The following GATAD2A variants were observed in gnomAD, a reference collection of about 807,000 sequenced individuals.
GATAD2A encodes the protein GATA zinc finger domain containing 2A, also known as transcriptional repressor p66-alpha.
Under a neutral mutation model 68.5 loss-of-function variants are expected in GATAD2A, and 12 were observed. The observed-to-expected ratio is 0.18, with a 90% CI of 0.11 to 0.28. GATAD2A has a LOEUF of 0.28. Among genes scored for constraint, GATAD2A ranks in the 10% least tolerant of loss-of-function variants. The probability of loss-of-function intolerance (pLI) is 1.00; values close to 1 mark genes in which losing one functional copy is unlikely to be tolerated. For synonymous variants in GATAD2A, 410 were observed against 375.3 expected (o/e 1.09, Z -1.07); for missense variants, 755 against 868.5 (o/e 0.87, Z 1.64).
chr19:19,485,041 TC>T (rs1200445324), intron 2 of GATAD2A, among the ~76,000 whole-genome samples: 1 of 152,180 alleles, frequency 6.6e-6, no homozygotes, highest in Non-Finnish European at 1.5e-5. Flanking sequence ...CACATGACCT[TC>T]CTAGAGCTGT....
intron 5 of GATAD2A, 120 bp from the exon 6 acceptor site, chr19:19,495,634 T>TTAA: frequency 7.3e-6 from 4 of 546,342 alleles, no homozygotes; most frequent in African/African-American, 4.8e-5. Flanking sequence ...CTCTGCTACT[T>TTAA]AAAAAAAAAA....
In GATAD2A at chr19:19,405,734, T is replaced by C. The variant is rs2050146660; in HGVS notation, c.-292T>C. ...CGCCTTTAAGAGCTCCCCGGTGTTT[T>C]GGGGGCCGCGGGCCGGGCGCGCTGA... is the stretch of plus-strand genomic sequence containing the variant. On this transcript the variant is annotated 5_prime_UTR_variant, in exon 1 of 12. Coordinates refer to ENST00000683918, the MANE Select transcript of GATAD2A (RefSeq NM_001384528.1). The C allele has an allele frequency of 1.3e-5, 2 of 151,430 alleles. No homozygotes were observed. Among genetic ancestry groups the C allele is most frequent in the Non-Finnish European group, 1.5e-5 (1 of 67,836 alleles). The allele number at this position is 151,430 out of a possible 1,614,324, so 9.4% of individuals were successfully genotyped here.
rs182993251 is a variant in GATAD2A, at chr19:19,460,240, G to A, written c.-6-5100G>A. ...GGGAGCTTCCTCGGGCTATGCTGCC[G>A]GGAGGAGAGTAGACAGGGGTTCTGG... On this transcript the variant is annotated intron_variant, in intron 1 of 11. Coordinates refer to ENST00000683918, the MANE Select transcript of GATAD2A (RefSeq NM_001384528.1). Among the ~76,000 whole-genome samples the A allele has an allele frequency of 5.3e-5, 8 of 152,338 alleles. No homozygotes were observed. In the East Asian group the frequency reaches 9.7e-4, roughly 18 times the overall value.
chr19:19,502,543 G>C lies in GATAD2A; in HGVS notation c.1774+17G>C. ...TCAGCACAGGTGGGTGACCTCCACA[G>C]GGCTCCCCAGGGGACCTGCCCATTG... On this transcript the variant is annotated intron_variant, in intron 11 of 11. Coordinates refer to ENST00000683918, the MANE Select transcript of GATAD2A (RefSeq NM_001384528.1). 1 of 1,579,216 alleles carries C rather than the reference G, an allele frequency of 6.3e-7. No homozygotes were observed. Among genetic ancestry groups the C allele is most frequent in the Non-Finnish European group, 8.6e-7 (1 of 1,157,868 alleles).
chr19:19,465,418 G>A lies in GATAD2A; in HGVS notation c.73G>A (p.Glu25Lys). The change falls in exon 2 of 12, where the codon GAG (glutamate) becomes AAG (lysine). Residue 25 changes from glutamate to lysine, a missense_variant. Physicochemically the swap from Glu to Lys is moderately conservative, Grantham distance 56. Transcript: ENST00000683918. ...ACGGGACCCAACAGAGGACGATGTG[G>A]AGAGCAAGAAAATAAAAATGGAGAG... ...LERDPTEDDV[E>K]SKKIKMERGL... The A allele has an allele frequency of 6.2e-7, 1 of 1,613,872 alleles. No homozygotes were observed. Among genetic ancestry groups the A allele is most frequent in the Non-Finnish European group, 8.5e-7 (1 of 1,179,730 alleles).
chr19:19,492,085 A>G (rs2059832122), intron 2 of GATAD2A, among the ~76,000 whole-genome samples: 1 of 152,206 alleles, frequency 6.6e-6, no homozygotes, highest in Admixed American at 6.5e-5. Flanking sequence ...AGTCCCTACC[A>G]TCAGGGTGCC....
At chr19:19,398,980 A>G (rs1599986788) in intron 1 of GATAD2A, among the ~76,000 whole-genome samples, 1 of 151,822 alleles carries the variant, frequency 6.6e-6, no homozygotes, top group Non-Finnish European at 1.5e-5. Context: ...AATCGCTTGA[A>G]CCCGGGCAGC....
chr19:19,432,698 A>G (rs983666103), intron 1 of GATAD2A, among the ~76,000 whole-genome samples: 1 of 152,250 alleles, frequency 6.6e-6, no homozygotes, highest in Non-Finnish European at 1.5e-5. Context: ...TTTAAAACAT[A>G]AAAAGACCTC....
intron 2 of GATAD2A, among the ~76,000 whole-genome samples, chr19:19,470,238 G>T: frequency 6.7e-6 from 1 of 148,380 alleles, no homozygotes. Flanking sequence ...GGGTTTCAGT[G>T]ATTCTCCTGC....
At chr19:19,437,797 C>A (rs2054540845) in intron 1 of GATAD2A, among the ~76,000 whole-genome samples, 1 of 152,154 alleles carries the variant, frequency 6.6e-6, no homozygotes, top group Admixed American at 6.5e-5. Context: ...TATGGATGAA[C>A]CACATTTTGT....
intron 1 of GATAD2A, among the ~76,000 whole-genome samples, chr19:19,446,116 C>G (rs971193945): frequency 6.6e-6 from 1 of 152,234 alleles, no homozygotes; most frequent in African/African-American, 2.4e-5. Flanking sequence ...CCACCGTTTT[C>G]CATGTCACTC....
chr19:19,486,618 A>G (rs560239885), intron 2 of GATAD2A, among the ~76,000 whole-genome samples: 32 of 152,324 alleles, frequency 2.1e-4, no homozygotes, highest in African/African-American at 7.5e-4. Flanking sequence ...GACCTGGTGC[A>G]GGGGACGCAG....
At chr19:19,390,471 T>G (rs1452805568) in intron 1 of GATAD2A, among the ~76,000 whole-genome samples, 1 of 152,154 alleles carries the variant, frequency 6.6e-6, no homozygotes, top group Non-Finnish European at 1.5e-5. Flanking sequence ...GGTATGTCTC[T>G]TGGAAAACCC....
At chr19:19,460,513 G>C (rs567431464) in intron 1 of GATAD2A, among the ~76,000 whole-genome samples, 3 of 152,270 alleles carry the variant, frequency 2.0e-5, no homozygotes, top group East Asian at 1.9e-4. Flanking sequence ...GCCCTGAGGT[G>C]CCCTGTGCCT....
At chr19:19,495,960 A>T in intron 6 of GATAD2A, 75 bp downstream of exon 6, 8 of 1,584,614 alleles carry the variant, frequency 5.0e-6, no homozygotes, top group Non-Finnish European at 6.0e-6. Context: ...GGCCCTTCCC[A>T]GTCCTTGGGG....
At chr19:19,498,799 C>G in intron 8 of GATAD2A, 77 bp downstream of exon 8, 1 of 1,303,020 alleles carries the variant, frequency 7.7e-7, no homozygotes, top group Non-Finnish European at 1.1e-6. Context: ...CTTTCCAACA[C>G]ACAGCAGAGG....
At chr19:19,444,547 T>A (rs2055479139) in intron 1 of GATAD2A, among the ~76,000 whole-genome samples, 1 of 152,140 alleles carries the variant, frequency 6.6e-6, no homozygotes, top group Admixed American at 6.5e-5. Flanking sequence ...AAACACCTTG[T>A]GACGTTGAGG....
At chr19:19,447,070 G>A (rs190398648) in intron 1 of GATAD2A, among the ~76,000 whole-genome samples, 73 of 152,330 alleles carry the variant, frequency 4.8e-4, no homozygotes, top group Admixed American at 1.6e-3. Context: ...AGAAATAGGT[G>A]TCCCTTGATA....
At position 19,465,553 on chromosome 19, in the gene GATAD2A, G is replaced by A; in HGVS notation, c.208G>A (p.Ala70Thr). Reference sequence around the variant, plus strand: ...GAGGGCAACAGAGGCCACGGCCATGGCCATGGGCAGAGGCGAAGGGCTGGT... The same window carrying A: ...GAGGGCAACAGAGGCCACGGCCATGACCATGGGCAGAGGCGAAGGGCTGGT... ...LLRATEATAM[A>T]MGRGEGLVGD... The change falls in exon 2 of 12, where the codon GCC (alanine) becomes ACC (threonine). Residue 70 changes from alanine (A) to threonine (T), a missense_variant. Physicochemically the swap from Ala to Thr is moderately conservative, Grantham distance 58 (BLOSUM62 0). Transcript: ENST00000683918. The A allele has an allele frequency of 6.2e-7, 1 of 1,613,930 alleles. No homozygotes were observed. Among genetic ancestry groups the A allele is most frequent in the Non-Finnish European group, 8.5e-7 (1 of 1,179,818 alleles).
Sources: gnomAD v4.1 joint callset for allele counts (sites outside exome capture counted in the v4.1 genomes callset) on GRCh38, gnomAD v4.1.1 for gene constraint, MANE v1.5 for transcripts, NCBI Gene and HGNC (gene_info 2026-07-23, HGNC 2026-07-21) for gene names.